ZNF776: variants seen among roughly 807,000 people sequenced by gnomAD.
ZNF776 encodes the protein zinc finger protein 776.
In ZNF776, 4 loss-of-function variants were observed where a neutral mutation model predicts 7.0. The observed-to-expected ratio is 0.57, with a 90% CI of 0.28 to 1.31. ZNF776 has a LOEUF of 1.31. ZNF776 is among the 50% of genes most tolerant of loss of function. ZNF776 has a pLI of 0.10. For missense variants in ZNF776, 555 were observed against 625.9 expected, an observed-to-expected ratio of 0.89 and a Z score of 1.21; for synonymous variants, 212 against 213.7, an observed-to-expected ratio of 0.99 and a Z score of 0.07.
chr19:57,750,384 A>G (rs1322893099), intron 1 of ZNF776, among the ~76,000 whole-genome samples: 2 of 150,672 alleles, frequency 1.3e-5, no homozygotes, highest in East Asian at 3.9e-4. Context: ...GAGAGCTGAG[A>G]TTATGTCATT....
rs60751243 is a variant in ZNF776, at chr19:57,747,098, G to T, written c.33+7G>T. The T allele has an allele frequency of 0.3, 468,594 of 1,585,650 alleles. 72,899 individuals carry two copies. Among genetic ancestry groups the T allele is most frequent in the East Asian group, 0.54 (23,452 of 43,068 alleles). ...GCTGAGGCCCCCGGCTCAGGTAATT[G>T]TGGCGTCTTCCGTGCCCTCAGGTCA... On this transcript the variant is annotated splice_region_variant and intron_variant, in intron 1 of 2. Coordinates refer to ENST00000317178, the MANE Select transcript of ZNF776 (RefSeq NM_173632.4).
At position 57,753,968 on chromosome 19, in the gene ZNF776, A is replaced by G; in HGVS notation, c.838A>G (p.Thr280Ala). 6.2e-7 allele frequency: 1 copy of G among 1,614,248 alleles called. No homozygotes were observed. Among genetic ancestry groups the G allele is most frequent in the Non-Finnish European group, 8.5e-7 (1 of 1,180,048 alleles). Residue 280 changes from threonine (T) to alanine (A), a missense_variant, in exon 3 of 3, where the codon ACT becomes GCT. Coordinates refer to ENST00000317178, the MANE Select transcript of ZNF776 (RefSeq NM_173632.4). Reference sequence around the variant, plus strand: ...ATCATTTTGGTATAAGGCCCACCTCACTGAACACCAGAGAGTTCACACTGG... The same window carrying G: ...ATCATTTTGGTATAAGGCCCACCTCGCTGAACACCAGAGAGTTCACACTGG... ...DESFWYKAHL[T>A]EHQRVHTGER...
At position 57,747,072 on chromosome 19, in the gene ZNF776, C is replaced by T. The variant is rs1343453232; in HGVS notation, c.14C>T (p.Ala5Val). Residue 5 changes from alanine (A) to valine (V), a missense_variant, in exon 1 of 3, where the codon GCG (alanine) becomes GTG (valine). Ala to Val is a moderately conservative substitution (Grantham distance 64, BLOSUM62 0). Transcript: ENST00000317178. The part of the protein sequence containing the change: MAAA[A>V]LRPPAQGTVT... ...CCACCCAGTCGGATGGCGGCGGCCGCGCTGAGGCCCCCGGCTCAGGTAATT... is the reference window on the plus strand; with the variant it reads ...CCACCCAGTCGGATGGCGGCGGCCGTGCTGAGGCCCCCGGCTCAGGTAATT... The T allele has an allele frequency of 6.9e-6, 11 of 1,589,984 alleles. No homozygotes were observed. The highest frequency in any genetic ancestry group is 1.3e-5 in the African/African-American group (1 of 74,256).
rs1986702466 is a variant in ZNF776 at position 57,754,300 on chromosome 19, C to T, written c.1170C>T (p.His390=). Residue 390 remains histidine, a synonymous_variant, in exon 3 of 3, where the codon CAC becomes CAT. Coordinates refer to ENST00000317178, the MANE Select transcript of ZNF776 (RefSeq NM_173632.4). ...GGAAGTTATTTAGGAGCAACTCCCACCTAAAGGAACACCAGAGAGTTCACA... is the reference window on the plus strand; with the variant it reads ...GGAAGTTATTTAGGAGCAACTCCCATCTAAAGGAACACCAGAGAGTTCACA... ...ACGKLFRSNS[H]LKEHQRVHTG... The T allele has an allele frequency of 6.2e-7, 1 of 1,613,682 alleles. No homozygotes were observed. The highest frequency in any genetic ancestry group is 1.3e-5 in the African/African-American group (1 of 74,860).
chr19:57,747,284 A>G (rs974096442), intron 1 of ZNF776, among the ~76,000 whole-genome samples, 193 bp downstream of exon 1: 3 of 152,166 alleles, frequency 2.0e-5, no homozygotes, highest in Admixed American at 6.5e-5. Flanking sequence ...GGAGCGGTGC[A>G]GGCAAAGGCC....
chr19:57,747,461 A>T lies in ZNF776; in HGVS notation c.33+370A>T, dbSNP rs1387330294. Among the ~76,000 whole-genome samples, 4 of 152,314 alleles carry T rather than the reference A, an allele frequency of 2.6e-5. No individual in the cohort carries two copies. In the East Asian group the frequency reaches 7.7e-4, roughly 29 times the overall value. ...TTCCAACAAAGGAAGGAAAAGATCA[A>T]TGTCCAGGCTTTAAAGGTTTCCCAA... On this transcript the variant is annotated intron_variant, in intron 1 of 2. Coordinates refer to ENST00000317178, the MANE Select transcript of ZNF776 (RefSeq NM_173632.4).
At chr19:57,751,305 T>TA (rs1412799160) in intron 2 of ZNF776, among the ~76,000 whole-genome samples, 1 of 152,208 alleles carries the variant, frequency 6.6e-6, no homozygotes, top group Non-Finnish European at 1.5e-5. Context: ...TCTCAATACT[T>TA]ACATGCACCA....
At chr19:57,751,073 T>C (rs1986589351) in intron 2 of ZNF776, among the ~76,000 whole-genome samples, 162 bp downstream of exon 2, 1 of 94,886 alleles carries the variant, frequency 1.1e-5, no homozygotes, top group Non-Finnish European at 1.9e-5. Context: ...CTGAGGTGTG[T>C]GCACTGCCCT....
At chr19:57,750,116 G>A (rs1476207979) in intron 1 of ZNF776, among the ~76,000 whole-genome samples, 1 of 152,004 alleles carries the variant, frequency 6.6e-6, no homozygotes, top group African/African-American at 2.4e-5. Context: ...ATGTGTCTGT[G>A]CAGTCTAAAG....
chr19:57,751,132 G>A (rs991354779), intron 2 of ZNF776, among the ~76,000 whole-genome samples: 1 of 152,180 alleles, frequency 6.6e-6, no homozygotes, highest in African/African-American at 2.4e-5. Flanking sequence ...AGCTCCCAGA[G>A]AAGGAGCTTT....
rs879100419 is a variant in ZNF776, at chr19:57,754,487, A to G, written c.1357A>G (p.Ile453Val). The G allele has an allele frequency of 1.2e-6, 2 of 1,613,748 alleles. No homozygotes were observed. The highest frequency in any genetic ancestry group is 1.7e-5 in the Admixed American group (1 of 59,968). The stretch of plus-strand genomic sequence containing the variant: ...GGGCAGTCTCATTCAACATCAGCAG[A>G]TCCACTCTGGAGAAAGGCCACATGA... ...QKGSLIQHQQ[I>V]HSGERPHECG... Residue 453 changes from isoleucine (I) to valine (V), a missense_variant, in exon 3 of 3, where the codon ATC becomes GTC. Coordinates refer to ENST00000317178, the MANE Select transcript of ZNF776 (RefSeq NM_173632.4).
At chr19:57,749,252 G>C (rs1161767458) in intron 1 of ZNF776, 3 of 152,300 alleles carry the variant, frequency 2.0e-5, no homozygotes, top group African/African-American at 7.2e-5. Flanking sequence ...TTACAGGTGT[G>C]AACCACCATG....
chr19:57,757,946 CT>C lies in ZNF776; in HGVS notation c.*3265del, dbSNP rs749279913. On this transcript the variant is annotated 3_prime_UTR_variant, in exon 3 of 3. Coordinates refer to ENST00000317178, the MANE Select transcript of ZNF776 (RefSeq NM_173632.4). ...GAGCCCTATTTATTTAGATGTTCTT[CT>C]TTTTTCTTTATTATTATTTTTATTT... is the stretch of plus-strand genomic sequence containing the variant. 1.3e-5 allele frequency: 2 copies of C among 152,022 alleles called. No homozygotes were observed. Among genetic ancestry groups the C allele is most frequent in the African/African-American group, 2.4e-5 (1 of 41,390 alleles). The allele number at this position is 152,022 out of a possible 1,614,324, so 9.4% of individuals were successfully genotyped here. A position where few individuals can be genotyped will look rare whatever the true frequency, so the allele number is the denominator to read the frequency against.
rs1986457224 is a variant in ZNF776, at chr19:57,747,085, G to A, written c.27G>A (p.Pro9=). MAAAALRP[P]AQGTVTFEDV... is the part of the protein sequence containing the mutation. ...TGGCGGCGGCCGCGCTGAGGCCCCC[G>A]GCTCAGGTAATTGTGGCGTCTTCCG... Residue 9 remains proline (P), a synonymous_variant, in exon 1 of 3, where the codon CCG becomes CCA. Transcript: ENST00000317178. 1.3e-6 allele frequency: 2 copies of A among 1,591,666 alleles called. No individual in the cohort carries two copies. Among genetic ancestry groups the A allele is most frequent in the South Asian group, 1.1e-5 (1 of 87,648 alleles).
In ZNF776 at chr19:57,754,401, G is replaced by A; in HGVS notation, c.1271G>A (p.Arg424Lys). Reference sequence around the variant, plus strand: ...AAGTCACACCTCACTGAACACCAGAGAGTTCACACTGGAGAAAGGCCATAT... The same window carrying A: ...AAGTCACACCTCACTGAACACCAGAAAGTTCACACTGGAGAAAGGCCATAT... ...RYKSHLTEHQ[R>K]VHTGERPYEC... Residue 424 changes from arginine to lysine, a missense_variant, in exon 3 of 3, where the codon AGA becomes AAA. Physicochemically the swap from Arg to Lys is conservative, Grantham distance 26. Coordinates refer to ENST00000317178, the MANE Select transcript of ZNF776 (RefSeq NM_173632.4). 6.2e-7 allele frequency: 1 copy of A among 1,614,216 alleles called. No homozygotes were observed. Among genetic ancestry groups the A allele is most frequent in the Non-Finnish European group, 8.5e-7 (1 of 1,180,048 alleles).
intron 1 of ZNF776, among the ~76,000 whole-genome samples, chr19:57,750,308 C>G (rs1188698438): frequency 3.3e-5 from 5 of 151,692 alleles, no homozygotes; most frequent in African/African-American, 7.3e-5. Flanking sequence ...TGGCATGCAC[C>G]TGTATCCCAT....
chr19:57,750,881 C>T lies in ZNF776; in HGVS notation c.130C>T (p.Leu44=). 1 of 1,612,248 alleles carries T rather than the reference C, an allele frequency of 6.2e-7. No homozygotes were observed. Among genetic ancestry groups the T allele is most frequent in the Non-Finnish European group, 8.5e-7 (1 of 1,178,920 alleles). The change falls in exon 2 of 3, where the codon CTG becomes TTG. Residue 44 remains leucine, a synonymous_variant. Coordinates refer to ENST00000317178, the MANE Select transcript of ZNF776 (RefSeq NM_173632.4). The part of the protein sequence containing the change: ...AQRCLYHDVM[L]ENLTLISSLG... ...GAGATGCCTTTATCATGACGTGATG[C>T]TGGAGAACCTGACACTTATATCTTC...
chr19:57,751,681 T>C (rs1986605686), intron 2 of ZNF776, among the ~76,000 whole-genome samples: 1 of 150,960 alleles, frequency 6.6e-6, no homozygotes, highest in Admixed American at 6.6e-5. Context: ...TTTGCTTTTT[T>C]GTTTTTTTTT....
chr19:57,747,203 C>G, intron 1 of ZNF776, 112 bp downstream of exon 1: 1 of 1,205,418 alleles, frequency 8.3e-7, no homozygotes. Context: ...GGCGTCGGGA[C>G]ACTGAGGCGC....
Sources: allele counts gnomAD v4.1 joint callset (sites outside exome capture counted in the v4.1 genomes callset), GRCh38; gene constraint gnomAD v4.1.1; transcripts MANE v1.5; gene names NCBI Gene and HGNC (gene_info 2026-07-23, HGNC 2026-07-21).